The following RAB21 variants were observed in gnomAD, a reference collection of about 807,000 sequenced individuals.
RAB21 encodes ras-related protein Rab-21.
Under a neutral mutation model 33.1 loss-of-function variants are expected in RAB21, and 13 were observed. That is an observed-to-expected ratio of 0.39 (90% CI 0.26 to 0.62). The LOEUF (loss-of-function observed/expected upper bound fraction) is 0.62. RAB21 is among the 20% of genes least tolerant of loss of function. The pLI is 0.48. For missense variants in RAB21, 234 were observed against 279.1 expected (o/e 0.84, Z 1.15); for synonymous variants, 91 against 103.7 (o/e 0.88, Z 0.74).
rs376113108 is a variant in RAB21, at chr12:71,775,816, T to C, written c.391+1794T>C. On this transcript the variant is annotated intron_variant, in intron 4 of 6. Transcript: ENST00000261263. ...TCCCAAAGGGCTAGGATTACAGGCG[T>C]GAGCCACTGCACCCGGCCAAGAATT... Among the ~76,000 whole-genome samples, 98 of 151,794 alleles carry C rather than the reference T, an allele frequency of 6.5e-4. No individual in the cohort carries two copies. The East Asian group carries it at 0.019, about 29-fold the overall frequency.
At position 71,794,829 on chromosome 12, in the gene RAB21, TG is replaced by T. The variant is rs1883445964; in HGVS notation, c.*9159del. Reference sequence around the variant, plus strand: ...GTGAGCCCCTGTAATCCCAGCTACTTGGGAGGCTGAGGCAGGAGAATTGCTT... The same window carrying T: ...GTGAGCCCCTGTAATCCCAGCTACTTGGAGGCTGAGGCAGGAGAATTGCTT... On this transcript the variant is annotated 3_prime_UTR_variant, in exon 7 of 7. Transcript: ENST00000261263. The T allele has an allele frequency of 1.3e-5, 2 of 149,520 alleles. No individual in the cohort carries two copies. Among genetic ancestry groups the T allele is most frequent in the Non-Finnish European group, 3.0e-5 (2 of 67,564 alleles). 9.3% of individuals were successfully genotyped at this position (149,520 alleles called of 1,614,324 possible). A position where few individuals can be genotyped will look rare whatever the true frequency, so the allele number is the denominator to read the frequency against.
rs1214335260 is a variant in RAB21 at position 71,792,871 on chromosome 12, T to G, written c.*7198T>G. 5.9e-5 allele frequency: 9 copies of G among 152,220 alleles called. No homozygotes were observed. The East Asian group carries it at 1.7e-3, about 29-fold the overall frequency. The allele number at this position is 152,220 out of a possible 1,614,324, so 9.4% of individuals were successfully genotyped here. ...GGTCACCTGTGCACACATGTTCACA[T>G]TCTGTGTTTGATCAGATATGTACCT... On this transcript the variant is annotated 3_prime_UTR_variant, in exon 7 of 7. Transcript: ENST00000261263.
intron 3 of RAB21, 108 bp downstream of exon 3, chr12:71,770,807 GTATA>G: frequency 1.3e-6 from 1 of 755,910 alleles, no homozygotes; most frequent in Non-Finnish European, 2.1e-6. Context: ...TAAAAATAAA[GTATA>G]TAATTTGTGC....
intron 4 of RAB21, among the ~76,000 whole-genome samples, chr12:71,774,755 T>TG (rs1565890718): frequency 6.6e-4 from 73 of 111,184 alleles, no homozygotes; most frequent in African/African-American, 4.6e-3. Context: ...AGACTGTGTC[T>TG]TAAAAAAAAA....
chr12:71,785,825 T>G lies in RAB21; in HGVS notation c.*152T>G. The G allele has an allele frequency of 3.7e-6, 3 of 802,400 alleles. No individual in the cohort carries two copies. The highest frequency in any genetic ancestry group is 4.4e-5 in the South Asian group (2 of 45,178). The allele number at this position is 802,400 out of a possible 1,614,324, so 49.7% of individuals were successfully genotyped here. A position where few individuals can be genotyped will look rare whatever the true frequency, so the allele number is the denominator to read the frequency against. Reference sequence around the variant, plus strand: ...TACGTTTATAACACTGCAGAGACCTTAAGTGCTAAACTTAGTGGAGTTTGT... The same window carrying G: ...TACGTTTATAACACTGCAGAGACCTGAAGTGCTAAACTTAGTGGAGTTTGT... On this transcript the variant is annotated 3_prime_UTR_variant, in exon 7 of 7. Coordinates refer to ENST00000261263, the MANE Select transcript of RAB21 (RefSeq NM_014999.4).
intron 4 of RAB21, among the ~76,000 whole-genome samples, chr12:71,778,726 T>G (rs1369828985): frequency 6.6e-6 from 1 of 152,020 alleles, no homozygotes. Flanking sequence ...CAGAATGGAG[T>G]GCTATGAGAG....
Position 71,785,578 on chromosome 12 carries a change from T to C in RAB21, c.583T>C (p.Ser195Pro). 6.2e-7 allele frequency: 1 copy of C among 1,614,154 alleles called. No individual in the cohort carries two copies. The highest frequency in any genetic ancestry group is 8.5e-7 in the Non-Finnish European group (1 of 1,180,020). ...GGATGAGAGAGCAAAAGGCAATGGC[T>C]CTAGTCAGCCGGGAACTGCAAGGCG... ...QVDERAKGNGSSQPGTARRGV... is the reference protein window; with the variant it reads ...QVDERAKGNGPSQPGTARRGV... The change falls in exon 7 of 7, where the codon TCT becomes CCT. Residue 195 changes from serine (S) to proline (P), a missense_variant. Transcript: ENST00000261263.
intron 3 of RAB21, among the ~76,000 whole-genome samples, chr12:71,771,363 A>C (rs1040612186): frequency 2.0e-5 from 3 of 152,156 alleles, no homozygotes; most frequent in Non-Finnish European, 4.4e-5. Flanking sequence ...ATATGTCAAC[A>C]ATGTGTAACT....
At chr12:71,759,041 CA>C (rs1174913784) in intron 1 of RAB21, among the ~76,000 whole-genome samples, 1 of 151,964 alleles carries the variant, frequency 6.6e-6, no homozygotes, top group African/African-American at 2.4e-5. Flanking sequence ...TTAATTGCTT[CA>C]AAAAAAGGCA....
intron 4 of RAB21, among the ~76,000 whole-genome samples, chr12:71,776,506 G>C (rs768453988): frequency 6.6e-6 from 1 of 151,900 alleles, no homozygotes. Context: ...AGGAATATTG[G>C]ATCTGGTAGC....
intron 4 of RAB21, among the ~76,000 whole-genome samples, chr12:71,780,882 C>T (rs921558546): frequency 6.6e-6 from 1 of 152,156 alleles, no homozygotes; most frequent in African/African-American, 2.4e-5. Context: ...TCCCTAAAAG[C>T]CATAGTAGAA....
In RAB21 at chr12:71,793,432, T is replaced by TTTC. The variant is rs1161223236; in HGVS notation, c.*7759_*7760insTTC. On this transcript the variant is annotated 3_prime_UTR_variant, in exon 7 of 7. Coordinates refer to ENST00000261263, the MANE Select transcript of RAB21 (RefSeq NM_014999.4). ...TTCTAAACATCTTTTCAGTGTCTTT[T>TTTC]AAGGATATTTTTGATATTACAATAT... The TTTC allele has an allele frequency of 3.3e-5, 5 of 152,204 alleles. No homozygotes were observed. The highest frequency in any genetic ancestry group is 1.2e-4 in the African/African-American group (5 of 41,444). 9.4% of individuals were successfully genotyped at this position (152,204 alleles called of 1,614,324 possible).
intron 1 of RAB21, among the ~76,000 whole-genome samples, chr12:71,764,438 G>GT: frequency 6.6e-6 from 1 of 152,050 alleles, no homozygotes; most frequent in Non-Finnish European, 1.5e-5. Flanking sequence ...CCTTTTGATT[G>GT]TTTGCTGCTA....
intron 6 of RAB21, among the ~76,000 whole-genome samples, chr12:71,784,365 T>G (rs969915729): frequency 1.3e-5 from 2 of 152,188 alleles, no homozygotes; most frequent in Non-Finnish European, 2.9e-5. Context: ...TGAGAACTCT[T>G]TGTGTAAGCC....
intron 2 of RAB21, chr12:71,770,386 T>C: frequency 1.9e-6 from 1 of 529,270 alleles, no homozygotes; most frequent in Admixed American, 3.5e-5. Context: ...AAAGTAACTT[T>C]TGTATATCAC....
rs1421691360 is a variant in RAB21 at position 71,786,385 on chromosome 12, G to A, written c.*712G>A. The A allele has an allele frequency of 6.6e-6, 1 of 152,474 alleles. No homozygotes were observed. Among genetic ancestry groups the A allele is most frequent in the African/African-American group, 2.4e-5 (1 of 41,378 alleles). 9.4% of individuals were successfully genotyped at this position (152,474 alleles called of 1,614,324 possible). On this transcript the variant is annotated 3_prime_UTR_variant, in exon 7 of 7. Transcript: ENST00000261263. The stretch of plus-strand genomic sequence containing the variant: ...ATTTTTGCAGCCCTTTGTATTTTGT[G>A]GTAGTTGAAATTGTATCACTTCTAA...
intron 1 of RAB21, among the ~76,000 whole-genome samples, chr12:71,756,323 A>G (rs1379163612): frequency 6.6e-6 from 1 of 152,250 alleles, no homozygotes; most frequent in African/African-American, 2.4e-5. Context: ...CAGGATAAAT[A>G]TACAGAAAAA....
intron 4 of RAB21, among the ~76,000 whole-genome samples, chr12:71,777,405 T>C (rs748807390): frequency 3.3e-5 from 5 of 152,222 alleles, no homozygotes; most frequent in Non-Finnish European, 4.4e-5. Context: ...TCTAATACTT[T>C]AATCTATGAA....
rs569529232 is a variant in RAB21 at position 71,798,300 on chromosome 12, G to A, written c.*12627G>A. 1 of 152,136 alleles carries A rather than the reference G, an allele frequency of 6.6e-6. No homozygotes were observed. The highest frequency in any genetic ancestry group is 2.1e-4 in the South Asian group (1 of 4,814). The allele number at this position is 152,136 out of a possible 1,614,324, so 9.4% of individuals were successfully genotyped here. On this transcript the variant is annotated 3_prime_UTR_variant, in exon 7 of 7. Transcript: ENST00000261263. ...GCGTTTCACAGTGTTGGCCAGTCTG[G>A]TCTTGAATTCCTGACCTCAAGTGAT...
Sources: allele counts gnomAD v4.1 joint callset (sites outside exome capture counted in the v4.1 genomes callset), GRCh38; gene constraint gnomAD v4.1.1; transcripts MANE v1.5; gene names NCBI Gene and HGNC (gene_info 2026-07-23, HGNC 2026-07-21).